EZH2: variants seen among roughly 807,000 people sequenced by gnomAD.
The protein encoded by EZH2 is histone-lysine N-methyltransferase EZH2.
Under a neutral mutation model 98.4 loss-of-function variants are expected in EZH2, and 18 were observed. The observed-to-expected ratio is 0.18, with a 90% CI of 0.13 to 0.27. The LOEUF is 0.27. Ranked by LOEUF, EZH2 falls within the 10% of genes least tolerant of loss-of-function variation. The probability of loss-of-function intolerance (pLI) is 1.00; values close to 1 mark genes in which losing one functional copy is unlikely to be tolerated. For missense variants in EZH2, 470 were observed against 935.1 expected, an observed-to-expected ratio of 0.50 and a Z score of 6.49; for synonymous variants, 338 against 312.3, an observed-to-expected ratio of 1.08 and a Z score of -0.87.
intron 3 of EZH2, among the ~76,000 whole-genome samples, chr7:148,840,891 T>C (rs1224998592): frequency 6.6e-6 from 1 of 152,182 alleles, no homozygotes; most frequent in African/African-American, 2.4e-5. Flanking sequence ...TTTTGTTTGT[T>C]TGGATTTGTT....
In EZH2 at chr7:148,818,142, C is replaced by T. The variant is rs530314405; in HGVS notation, c.1000-25G>A. ...CCTACGAAATGAAAAATGTCAACAT[C>T]AGGGCAAAGTTCTAAAACTCATTTT... On this transcript the variant is annotated intron_variant, in intron 9 of 19. Coordinates refer to ENST00000320356, the MANE Select transcript of EZH2 (RefSeq NM_004456.5). The T allele has an allele frequency of 8.5e-6, 13 of 1,527,244 alleles. No individual in the cohort carries two copies. The South Asian group carries it at 1.6e-4, about 19-fold the overall frequency. 94.6% of individuals were successfully genotyped at this position (1,527,244 alleles called of 1,614,324 possible).
chr7:148,850,109 C>A (rs1041985391), intron 1 of EZH2, among the ~76,000 whole-genome samples: 8 of 152,140 alleles, frequency 5.3e-5, no homozygotes, highest in Non-Finnish European at 8.8e-5. Context: ...AGCTCTGCCT[C>A]CCGGGTTCAC....
chr7:148,810,562 G>T, intron 16 of EZH2, 148 bp from the exon 17 acceptor site: 1 of 536,544 alleles, frequency 1.9e-6, no homozygotes, highest in Non-Finnish European at 3.4e-6. Flanking sequence ...TTCCCATTCG[G>T]TCTGCGCAGT....
At chr7:148,878,839 C>A (rs1820532406) in intron 1 of EZH2, among the ~76,000 whole-genome samples, 1 of 151,970 alleles carries the variant, frequency 6.6e-6, no homozygotes, top group Admixed American at 6.6e-5. Context: ...GCAGAGGTTG[C>A]AGTGAACTGA....
chr7:148,871,403 TAAAAAAAAAAAA>T (rs71529646), intron 1 of EZH2, among the ~76,000 whole-genome samples: 1 of 88,752 alleles, frequency 1.1e-5, no homozygotes, highest in Non-Finnish European at 2.2e-5. Context: ...GACGAATAAT[TAAAAAAAAAAAA>T]AAAAAAAAAA....
chr7:148,822,102 G>T (rs1806281998), intron 8 of EZH2, among the ~76,000 whole-genome samples: 1 of 152,168 alleles, frequency 6.6e-6, no homozygotes, highest in Admixed American at 6.5e-5. Flanking sequence ...ATTCCAAATG[G>T]ATCAAAGATT....
At chr7:148,849,973 GGTA>G (rs776087391) in intron 1 of EZH2, among the ~76,000 whole-genome samples, 3 of 152,080 alleles carry the variant, frequency 2.0e-5, no homozygotes, top group Non-Finnish European at 4.4e-5. Flanking sequence ...TAAGGCCTAG[GGTA>G]GTAACGTGTT....
chr7:148,859,443 T>A (rs1278230897), intron 1 of EZH2, among the ~76,000 whole-genome samples: 2 of 151,986 alleles, frequency 1.3e-5, no homozygotes, highest in Non-Finnish European at 2.9e-5. Flanking sequence ...GAAGCAGGGA[T>A]TTCAGTGAGC....
In EZH2 at chr7:148,815,026, G is replaced by A. The variant is rs1229068307; in HGVS notation, c.1560C>T (p.Asn520=). The part of the protein sequence containing the change: ...KIQLKKDGSS[N]HVYNYQPCDH... ...CACAGGGTTGATAGTTGTAAACATG[G>A]TTAGAGGAGCCGTCTGAGTAAAGAT... is the stretch of plus-strand genomic sequence containing the variant. Residue 520 remains asparagine (N), a synonymous_variant, in exon 14 of 20, where the codon AAC becomes AAT. Coordinates refer to ENST00000320356, the MANE Select transcript of EZH2 (RefSeq NM_004456.5). 1 of 1,613,944 alleles carries A rather than the reference G, an allele frequency of 6.2e-7. No individual in the cohort carries two copies. The highest frequency in any genetic ancestry group is 1.7e-5 in the Admixed American group (1 of 59,996).
In EZH2 at chr7:148,839,813, C is replaced by T. The variant is rs370077205; in HGVS notation, c.246+6657G>A. ...CTGCCCACCTTGGCCTCCCAAAGTGCTGGGATTACAGGCGTGAGCCACTGC... is the reference window on the plus strand; with the variant it reads ...CTGCCCACCTTGGCCTCCCAAAGTGTTGGGATTACAGGCGTGAGCCACTGC... On this transcript the variant is annotated intron_variant, in intron 3 of 19. Coordinates refer to ENST00000320356, the MANE Select transcript of EZH2 (RefSeq NM_004456.5). Among the ~76,000 whole-genome samples the T allele has an allele frequency of 1.6e-4, 24 of 152,126 alleles. No individual in the cohort carries two copies. The East Asian group carries it at 1.9e-3, about 12-fold the overall frequency.
chr7:148,811,826 G>T, intron 15 of EZH2, 106 bp from the exon 16 acceptor site: 3 of 950,748 alleles, frequency 3.2e-6, no homozygotes, highest in Non-Finnish European at 4.8e-6. Flanking sequence ...TAAATCCTCA[G>T]ACCTGTTTGT....
At chr7:148,883,802 C>G (rs951164040) in intron 1 of EZH2, among the ~76,000 whole-genome samples, 15 of 151,880 alleles carry the variant, frequency 9.9e-5, no homozygotes, top group Non-Finnish European at 1.3e-4. Context: ...AGACTTGAGG[C>G]TCGAGCTGCC....
At chr7:148,835,164 A>G (rs1810544315) in intron 3 of EZH2, among the ~76,000 whole-genome samples, 1 of 152,224 alleles carries the variant, frequency 6.6e-6, no homozygotes, top group Non-Finnish European at 1.5e-5. Context: ...TCAAGCGTAT[A>G]ATCTCAGCAC....
intron 16 of EZH2, among the ~76,000 whole-genome samples, chr7:148,810,851 A>C (rs1241402998): frequency 7.1e-6 from 1 of 140,700 alleles, no homozygotes; most frequent in African/African-American, 2.7e-5. Context: ...AGCCAAAATC[A>C]CGCCATTGCA....
chr7:148,808,377 C>T (rs1228459946), intron 19 of EZH2, among the ~76,000 whole-genome samples: 2 of 152,246 alleles, frequency 1.3e-5, no homozygotes, highest in Non-Finnish European at 2.9e-5. Context: ...TGCAAGAACA[C>T]AGTACTCAAA....
chr7:148,832,943 T>G (rs1369375048), intron 3 of EZH2, among the ~76,000 whole-genome samples, 193 bp from the exon 4 acceptor site: 1 of 152,180 alleles, frequency 6.6e-6, no homozygotes, highest in Non-Finnish European at 1.5e-5. Flanking sequence ...CAAAAATGCT[T>G]CAAATTTTCC....
intron 1 of EZH2, among the ~76,000 whole-genome samples, chr7:148,869,791 A>C (rs1481013434): frequency 6.6e-6 from 1 of 152,152 alleles, no homozygotes; most frequent in Non-Finnish European, 1.5e-5. Flanking sequence ...TATTCATCTC[A>C]TTCATGTCAC....
chr7:148,820,784 C>T (rs1158443956), intron 8 of EZH2, among the ~76,000 whole-genome samples: 1 of 151,994 alleles, frequency 6.6e-6, no homozygotes, highest in African/African-American at 2.4e-5. Flanking sequence ...ATACAAAAAC[C>T]ACTTCTTAAC....
chr7:148,880,059 T>A (rs568847564), intron 1 of EZH2, among the ~76,000 whole-genome samples: 1 of 152,258 alleles, frequency 6.6e-6, no homozygotes, highest in Non-Finnish European at 1.5e-5. Context: ...CAGTGAGCTA[T>A]GATCTTGTTC....
Sources: gnomAD v4.1 joint callset for allele counts (sites outside exome capture counted in the v4.1 genomes callset) on GRCh38, gnomAD v4.1.1 for gene constraint, MANE v1.5 for transcripts, NCBI Gene and HGNC (gene_info 2026-07-23, HGNC 2026-07-21) for gene names.